The following FN1 variants were observed in gnomAD, a reference collection of about 807,000 sequenced individuals.
FN1 encodes the protein fibronectin 1.
In FN1, 106 loss-of-function variants were observed where a neutral mutation model predicts 297.3. That is an observed-to-expected ratio of 0.36 (90% CI 0.30 to 0.42). FN1 has a LOEUF of 0.42. Ranked by LOEUF, FN1 falls within the 10% of genes least tolerant of loss-of-function variation. FN1 has a pLI of 1.00. For missense variants in FN1, 2,690 were observed against 3,124.9 expected (o/e 0.86, Z 3.32); for synonymous variants, 1,149 against 1,152.6 (o/e 1.00, Z 0.06).
At chr2:215,389,408 T>C (rs1308990751) in intron 26 of FN1, among the ~76,000 whole-genome samples, 1 of 151,424 alleles carries the variant, frequency 6.6e-6, no homozygotes, top group African/African-American at 2.4e-5. Context: ...CAGCTTCTTC[T>C]TCCATTTTGA....
intron 4 of FN1, 118 bp downstream of exon 4, chr2:215,431,715 A>G (rs2066543540): frequency 1.9e-6 from 2 of 1,065,896 alleles, no homozygotes; most frequent in Admixed American, 1.7e-5. Flanking sequence ...CAAAATTCCC[A>G]TTTCTTTATT....
chr2:215,428,071 G>T, intron 6 of FN1, 109 bp downstream of exon 6: 1 of 1,326,018 alleles, frequency 7.5e-7, no homozygotes. Context: ...GTTATTAGCT[G>T]AAACACTGCA....
chr2:215,434,058 T>A (rs1250245), intron 2 of FN1, among the ~76,000 whole-genome samples: 1 of 152,122 alleles, frequency 6.6e-6, no homozygotes, highest in Admixed American at 6.5e-5. Context: ...GCTGAGATAG[T>A]GCTACTGCAC....
Position 215,409,570 on chromosome 2 carries a change from C to T in FN1, c.2292G>A (p.Gln764=), listed in dbSNP as rs778208519. ...GCGACATATTGAGCTTACCCAGGTACTGTGGCTCATCTCCCTCCTCACTCA... is the reference window on the plus strand; with the variant it reads ...GCGACATATTGAGCTTACCCAGGTATTGTGGCTCATCTCCCTCCTCACTCA... ...YELSEEGDEP[Q]YLDLPSTATS... Residue 764 remains glutamine (Q), a synonymous_variant, in exon 15 of 46, where the codon CAG becomes CAA. Coordinates refer to ENST00000354785, the MANE Select transcript of FN1 (RefSeq NM_212482.4). 9 of 1,613,398 alleles carry T rather than the reference C, an allele frequency of 5.6e-6. No homozygotes were observed. In the South Asian group the frequency reaches 7.7e-5, roughly 14 times the overall value.
intron 11 of FN1, among the ~76,000 whole-genome samples, chr2:215,420,338 C>CA (rs1321866681): frequency 1.7e-5 from 2 of 119,014 alleles, no homozygotes; most frequent in East Asian, 2.3e-4. Context: ...AACTCTCTCT[C>CA]AAAAAAACAA....
chr2:215,370,367 G>A lies in FN1; in HGVS notation c.6780C>T (p.Asn2260=). The A allele has an allele frequency of 1.9e-6, 3 of 1,613,542 alleles. No homozygotes were observed. The highest frequency in any genetic ancestry group is 2.5e-6 in the Non-Finnish European group (3 of 1,179,632). Reference sequence around the variant, plus strand: ...GGTCTTTCAGTGCCTCCACTATGACGTTGTAGGTGGCACCTCTGGTGAGGC... The same window carrying A: ...GGTCTTTCAGTGCCTCCACTATGACATTGTAGGTGGCACCTCTGGTGAGGC... ...LTGLTRGATY[N]VIVEALKDQQ... The change falls in exon 41 of 46, where the codon AAC becomes AAT. Residue 2260 remains asparagine (N), a synonymous_variant. Coordinates refer to ENST00000354785, the MANE Select transcript of FN1 (RefSeq NM_212482.4).
chr2:215,369,281 A>G (rs938895438), intron 41 of FN1, among the ~76,000 whole-genome samples: 1 of 152,088 alleles, frequency 6.6e-6, no homozygotes, highest in Non-Finnish European at 1.5e-5. Context: ...AATTCTGTTC[A>G]CGTGGCATTC....
At chr2:215,386,424 T>TGGG (rs1233969983) in intron 28 of FN1, among the ~76,000 whole-genome samples, 3 of 151,966 alleles carry the variant, frequency 2.0e-5, no homozygotes, top group African/African-American at 7.3e-5. Flanking sequence ...AATGCATAAA[T>TGGG]ACCCAAATCA....
Position 215,372,344 on chromosome 2 carries a change from G to T in FN1, c.6279C>A (p.His2093Gln), listed in dbSNP as rs1256265574. The change falls in exon 40 of 46, where the codon CAC becomes CAA. Residue 2093 changes from histidine to glutamine, a missense_variant. His to Gln is a conservative substitution (Grantham distance 24). Around this residue, in one of 3 missense-constraint regions of FN1, gnomAD observed 1,743 missense variants for 1,945.2 expected, o/e 0.90. Transcript: ENST00000354785. ...AGATCTCTGGTCCATGAAGATTGGG[G>T]TGTGGAAGGGTTACCAGTTGGGGAA... is the stretch of plus-strand genomic sequence containing the variant. ...DELPQLVTLP[H>Q]PNLHGPEILD... The T allele has an allele frequency of 1.2e-6, 2 of 1,614,108 alleles. No individual in the cohort carries two copies. The highest frequency in any genetic ancestry group is 1.7e-6 in the Non-Finnish European group (2 of 1,180,050).
At chr2:215,381,685 G>C (rs1270358121) in intron 32 of FN1, 1 of 208,994 alleles carries the variant, frequency 4.8e-6, no homozygotes, top group African/African-American at 2.4e-5. Context: ...TGTTGGTCAG[G>C]CTGGTCTCGA....
chr2:215,435,211 C>A (rs2067251195), intron 1 of FN1, among the ~76,000 whole-genome samples: 1 of 152,146 alleles, frequency 6.6e-6, no homozygotes. Flanking sequence ...ACATCTCTTC[C>A]AAGTTAGTTA....
chr2:215,420,875 C>G, intron 10 of FN1, 74 bp from the exon 11 acceptor site: 12 of 1,326,908 alleles, frequency 9.0e-6, no homozygotes, highest in Non-Finnish European at 1.2e-5. Context: ...GTATGCTTCT[C>G]AAAGCATACA....
At chr2:215,380,750 A>T in intron 33 of FN1, 61 bp downstream of exon 33, 5 of 1,585,214 alleles carry the variant, frequency 3.2e-6, no homozygotes, top group Non-Finnish European at 4.3e-6. Context: ...AGCATAATTC[A>T]TTCAGTAGGG....
chr2:215,367,817 C>T, intron 42 of FN1, 46 bp downstream of exon 42: 1 of 1,602,762 alleles, frequency 6.2e-7, no homozygotes, highest in Non-Finnish European at 8.5e-7. Flanking sequence ...ATGCATGGAA[C>T]TTGAGGAGAC....
rs2058708564 is a variant in FN1 at position 215,384,950 on chromosome 2, C to T, written c.4639G>A (p.Val1547Ile). The part of the protein sequence containing the change: ...TVSDVPRDLE[V>I]VAATPTSLLI... ...AGGCTGGTGGGGGTCGCAGCAACAA[C>T]TTCCAGGTCCCTCGGAACATCAGAA... The change falls in exon 29 of 46, where the codon GTT (valine) becomes ATT (isoleucine). Residue 1547 changes from valine to isoleucine, a missense_variant. Val to Ile is a conservative substitution (Grantham distance 29). Transcript: ENST00000354785. 3 of 1,613,852 alleles carry T rather than the reference C, an allele frequency of 1.9e-6. No individual in the cohort carries two copies. Among genetic ancestry groups the T allele is most frequent in the Non-Finnish European group, 2.5e-6 (3 of 1,179,808 alleles).
chr2:215,430,032 A>G (rs1015435420), intron 5 of FN1, among the ~76,000 whole-genome samples: 1 of 152,188 alleles, frequency 6.6e-6, no homozygotes, highest in Non-Finnish European at 1.5e-5. Context: ...TTCATGAGAG[A>G]CCTATTTTTG....
chr2:215,392,867 G>A (rs916489504), intron 25 of FN1, 64 bp downstream of exon 25: 30 of 1,569,308 alleles, frequency 1.9e-5, no homozygotes, highest in Admixed American at 5.0e-5. Flanking sequence ...ATATTTAACC[G>A]GAGTAACTGG....
At chr2:215,369,581 G>C (rs188069834) in intron 41 of FN1, among the ~76,000 whole-genome samples, 3 of 152,286 alleles carry the variant, frequency 2.0e-5, no homozygotes, top group African/African-American at 7.2e-5. Flanking sequence ...TCACGGTTTT[G>C]ATTATCCCCT....
chr2:215,401,453 C>T (rs2061160920), intron 20 of FN1, among the ~76,000 whole-genome samples: 1 of 152,022 alleles, frequency 6.6e-6, no homozygotes. Flanking sequence ...CGCAGAAGGC[C>T]AGATATTTTG....
Sources: gnomAD v4.1 joint callset for allele counts (sites outside exome capture counted in the v4.1 genomes callset) on GRCh38, gnomAD v4.1.1 for gene constraint, gnomAD v4.1.1 regional missense constraint, MANE v1.5 for transcripts, NCBI Gene and HGNC (gene_info 2026-07-23, HGNC 2026-07-21) for gene names.